MSI2: variants seen among roughly 807,000 people sequenced by gnomAD.
MSI2 encodes the protein musashi RNA binding protein 2.
A neutral mutation model predicts 45.6 loss-of-function variants in MSI2; 17 were observed. The ratio of observed to expected loss-of-function variants is 0.37; its 90% confidence interval spans 0.26 to 0.56. The LOEUF is 0.56. MSI2 is among the 20% of genes least tolerant of loss of function. MSI2 has a pLI of 0.77. For synonymous variants in MSI2, 156 were observed against 158.2 expected, an observed-to-expected ratio of 0.99 and a Z score of 0.11; for missense variants, 293 against 444.2, an observed-to-expected ratio of 0.66 and a Z score of 3.06.
In MSI2 at chr17:57,425,815, A is replaced by G. The variant is rs917140375; in HGVS notation, c.405+24344A>G. 5.3e-5 allele frequency among the ~76,000 whole-genome samples: 8 copies of G among 152,312 alleles called. No homozygotes were observed. The East Asian group carries it at 1.3e-3, about 26-fold the overall frequency. ...ATAATAATACGTTTTACAATTTGCTATTTATTGCCAAACTGCCCCACAGGG... is the reference window on the plus strand; with the variant it reads ...ATAATAATACGTTTTACAATTTGCTGTTTATTGCCAAACTGCCCCACAGGG... On this transcript the variant is annotated intron_variant, in intron 6 of 13. Transcript: ENST00000284073.
chr17:57,503,846 G>A lies in MSI2; in HGVS notation c.406-25830G>A, dbSNP rs536921505. 8.2e-4 allele frequency among the ~76,000 whole-genome samples: 125 copies of A among 152,324 alleles called. 3 individuals carry two copies. In the South Asian group the frequency reaches 0.023, roughly 28 times the overall value. On this transcript the variant is annotated intron_variant, in intron 6 of 13. Transcript: ENST00000284073. ...GACAACCTCCGCCTCCCAGGTTCAA[G>A]CGATTCTCCTGCCTCAGCGTCTCGA...
rs1032484183 is a variant in MSI2 at position 57,643,487 on chromosome 17, G to A, written c.728-8612G>A. ...GTCAGTGGGGTGGGACAGGTGCTCC[G>A]CTGTGTTTCCTGAGTGCTTCCCAGT... On this transcript the variant is annotated intron_variant, in intron 10 of 13. Transcript: ENST00000284073. Among the ~76,000 whole-genome samples the A allele has an allele frequency of 4.6e-5, 7 of 152,222 alleles. No individual in the cohort carries two copies. In the East Asian group the frequency reaches 7.7e-4, roughly 17 times the overall value.
chr17:57,597,012 T>G lies in MSI2; in HGVS notation c.537+62T>G. The G allele has an allele frequency of 2.4e-6, 3 of 1,250,892 alleles. 1 individual carries two copies. The highest frequency in any genetic ancestry group is 3.5e-6 in the Non-Finnish European group (3 of 852,154). The allele number at this position is 1,250,892 out of a possible 1,614,324, so 77.5% of individuals were successfully genotyped here. A position where few individuals can be genotyped will look rare whatever the true frequency, so the allele number is the denominator to read the frequency against. ...CCTTTCTCTACGTACACACCCAGTC[T>G]TGCAGACTGGTCCAGCCCATCATCA... is the stretch of plus-strand genomic sequence containing the variant. On this transcript the variant is annotated intron_variant, in intron 8 of 13. Transcript: ENST00000284073.
At position 57,616,289 on chromosome 17, in the gene MSI2, G is replaced by A. The variant is rs538537192; in HGVS notation, c.652+205G>A. 567 of 462,564 alleles carry A rather than the reference G, an allele frequency of 1.2e-3. 1 individual carries two copies. The highest frequency in any genetic ancestry group is 2.9e-3 in the South Asian group (75 of 25,428). 28.7% of individuals were successfully genotyped at this position (462,564 alleles called of 1,614,324 possible). A position where few individuals can be genotyped will look rare whatever the true frequency, so the allele number is the denominator to read the frequency against. On this transcript the variant is annotated intron_variant, in intron 9 of 13. Transcript: ENST00000284073. ...TGTGTGTGTGTGCATGCATGTGTGTGTGTGTGTGTGTGTGTTTGTATTTAT... is the reference window on the plus strand; with the variant it reads ...TGTGTGTGTGTGCATGCATGTGTGTATGTGTGTGTGTGTGTTTGTATTTAT...
At chr17:57,656,526 G>A (rs1161961369) in intron 11 of MSI2, among the ~76,000 whole-genome samples, 1 of 152,168 alleles carries the variant, frequency 6.6e-6, no homozygotes, top group Non-Finnish European at 1.5e-5. Context: ...TACTTCTTGG[G>A]GTGGAGGGGA....
intron 6 of MSI2, among the ~76,000 whole-genome samples, chr17:57,424,971 G>A (rs2084464339): frequency 6.6e-6 from 1 of 152,154 alleles, no homozygotes; most frequent in Admixed American, 6.5e-5. Flanking sequence ...CTGATCCTCA[G>A]CGAGGCCCCA....
At chr17:57,369,933 CT>C (rs2083395837) in intron 5 of MSI2, among the ~76,000 whole-genome samples, 1 of 152,196 alleles carries the variant, frequency 6.6e-6, no homozygotes, top group African/African-American at 2.4e-5. Context: ...AGAGTAATCT[CT>C]GCTCTTCATT....
chr17:57,595,123 T>TA (rs1905150611), intron 7 of MSI2, among the ~76,000 whole-genome samples: 1 of 152,116 alleles, frequency 6.6e-6, no homozygotes, highest in South Asian at 2.1e-4. Flanking sequence ...TGGTGTTCCT[T>TA]GGAAGATGGT....
intron 7 of MSI2, among the ~76,000 whole-genome samples, chr17:57,541,489 G>A (rs940164284): frequency 3.9e-5 from 6 of 152,142 alleles, no homozygotes; most frequent in Admixed American, 6.5e-5. Context: ...TAAGAAAACA[G>A]CAAGACAACA....
intron 11 of MSI2, among the ~76,000 whole-genome samples, chr17:57,656,782 C>G (rs1475305878): frequency 6.6e-6 from 1 of 152,046 alleles, no homozygotes; most frequent in Non-Finnish European, 1.5e-5. Flanking sequence ...GGAAGGCTCC[C>G]TAGAGGGGAA....
At chr17:57,444,734 C>A (rs2084864420) in intron 6 of MSI2, 1 of 152,210 alleles carries the variant, frequency 6.6e-6, no homozygotes, top group African/African-American at 2.4e-5. Flanking sequence ...TTCTGGTTGC[C>A]CAAGGCCTGG....
intron 6 of MSI2, among the ~76,000 whole-genome samples, chr17:57,513,468 G>A (rs1287686469): frequency 2.0e-5 from 3 of 152,136 alleles, no homozygotes; most frequent in Non-Finnish European, 4.4e-5. Flanking sequence ...TGGTGAGCTG[G>A]GACCTGGGTC....
intron 5 of MSI2, 106 bp from the exon 6 acceptor site, chr17:57,401,273 A>G (rs2083984983): frequency 2.2e-6 from 2 of 899,718 alleles, no homozygotes; most frequent in Non-Finnish European, 3.7e-6. Flanking sequence ...TATATCTAAA[A>G]TTGCCTTCCT....
At chr17:57,311,227 C>T (rs1912374829) in intron 5 of MSI2, among the ~76,000 whole-genome samples, 1 of 152,214 alleles carries the variant, frequency 6.6e-6, no homozygotes, top group African/African-American at 2.4e-5. Flanking sequence ...TGAGACCAGT[C>T]ATGGATGTGT....
chr17:57,567,476 A>G (rs764297272), intron 7 of MSI2, among the ~76,000 whole-genome samples: 2 of 152,262 alleles, frequency 1.3e-5, no homozygotes, highest in Non-Finnish European at 2.9e-5. Context: ...GCAGGCCGCC[A>G]TGTTGTACCT....
chr17:57,690,321 A>T, the MSI2 span, among the ~76,000 whole-genome samples: 3 of 151,994 alleles, frequency 2.0e-5, no homozygotes, highest in African/African-American at 7.3e-5. Context: ...CAAATTTAAA[A>T]TTGGGTAGGG....
intron 11 of MSI2, among the ~76,000 whole-genome samples, chr17:57,663,028 G>C (rs924149368): frequency 8.5e-5 from 13 of 152,248 alleles, no homozygotes; most frequent in Non-Finnish European, 1.9e-4. Context: ...GAAGACAGAC[G>C]TCCTCTGTAG....
At chr17:57,370,611 T>C (rs779957968) in intron 5 of MSI2, among the ~76,000 whole-genome samples, 5 of 152,194 alleles carry the variant, frequency 3.3e-5, no homozygotes, top group Non-Finnish European at 7.3e-5. Flanking sequence ...ATGTTTCTGT[T>C]AGGTTTTAAG....
At chr17:57,676,295 C>T (rs1598518300) in intron 12 of MSI2, among the ~76,000 whole-genome samples, 1 of 152,184 alleles carries the variant, frequency 6.6e-6, no homozygotes, top group African/African-American at 2.4e-5. Context: ...CACACACAGG[C>T]GCACACACGC....
Sources: allele counts gnomAD v4.1 joint callset (sites outside exome capture counted in the v4.1 genomes callset), GRCh38; gene constraint gnomAD v4.1.1; transcripts MANE v1.5; gene names NCBI Gene and HGNC (gene_info 2026-07-23, HGNC 2026-07-21).